The following MARCHF7 variants were observed in gnomAD, a reference collection of about 807,000 sequenced individuals.
The protein encoded by MARCHF7 is E3 ubiquitin-protein ligase MARCHF7.
MARCHF7 carries 20 observed loss-of-function variants against 76.5 expected under a neutral mutation model. The observed-to-expected ratio is 0.26, with a 90% CI of 0.18 to 0.38. The LOEUF (loss-of-function observed/expected upper bound fraction) is 0.38, where lower values mean the gene tolerates loss of function less well. Among genes scored for constraint, MARCHF7 ranks in the 10% least tolerant of loss-of-function variants. MARCHF7 has a pLI of 1.00. For missense variants in MARCHF7, 797 were observed against 812.9 expected (o/e 0.98, Z 0.24); for synonymous variants, 295 against 293.0 (o/e 1.01, Z -0.07).
Position 159,748,030 on chromosome 2 carries a change from G to A in MARCHF7, c.740G>A (p.Ser247Asn), listed in dbSNP as rs148440689. ...NTQPGFSYSSSRDEAPIISNS... is the reference protein window; with the variant it reads ...NTQPGFSYSSNRDEAPIISNS... ...CAGCCTGGATTTTCTTACAGTTCAA[G>A]TAGAGATGAAGCCCCAATCATAAGC... is the stretch of plus-strand genomic sequence containing the variant. The change falls in exon 7 of 12, where the codon AGT (serine) becomes AAT (asparagine). Residue 247 changes from serine to asparagine, a missense_variant. Physicochemically the swap from Ser to Asn is conservative, Grantham distance 46. Transcript: ENST00000409175. 35,396 of 1,614,150 alleles carry A rather than the reference G, an allele frequency of 0.022. 511 individuals are homozygous for A. Among genetic ancestry groups the A allele is most frequent in the South Asian group, 0.042 (3,822 of 91,074 alleles).
intron 3 of MARCHF7, among the ~76,000 whole-genome samples, chr2:159,726,290 T>G (rs1702164124): frequency 6.6e-6 from 1 of 151,732 alleles, no homozygotes; most frequent in Non-Finnish European, 1.5e-5. Flanking sequence ...TGATACCGAG[T>G]CTCGCTCTTG....
intron 5 of MARCHF7, among the ~76,000 whole-genome samples, chr2:159,744,777 C>T (rs1446854348): frequency 2.6e-5 from 4 of 152,092 alleles, no homozygotes; most frequent in Admixed American, 1.3e-4. Context: ...TATGTGAAAA[C>T]GTTATAAATA....
chr2:159,733,247 AT>A (rs1703034244), intron 4 of MARCHF7: 1 of 871,500 alleles, frequency 1.1e-6, no homozygotes, highest in African/African-American at 1.8e-5. Context: ...TTTTAAAATT[AT>A]TTAGTTTTTG....
chr2:159,743,048 TTTG>T lies in MARCHF7; in HGVS notation c.154-12_154-10del. ...AGCCTTTTGTTGTTTAAAAAATTTT[TTTG>T]AACTCACAGTCTACATCAGCATCAG... is the stretch of plus-strand genomic sequence containing the variant. On this transcript the variant is annotated splice_polypyrimidine_tract_variant and intron_variant, in intron 4 of 11. Transcript: ENST00000409175. 1 of 1,599,572 alleles carries T rather than the reference TTTG, an allele frequency of 6.3e-7. No individual in the cohort carries two copies. Among genetic ancestry groups the T allele is most frequent in the Non-Finnish European group, 8.5e-7 (1 of 1,172,322 alleles).
chr2:159,748,174 T>C lies in MARCHF7; in HGVS notation c.884T>C (p.Phe295Ser). 1.2e-6 allele frequency: 2 copies of C among 1,612,844 alleles called. No individual in the cohort carries two copies. Among genetic ancestry groups the C allele is most frequent in the Non-Finnish European group, 1.7e-6 (2 of 1,179,646 alleles). ...GCTTCTAGCATGTCATCTACTTTTT[T>C]TTCACGAAGATCTAGTCAGGATTCC... Reference protein sequence around the residue: ...RIASSMSSTFFSRRSSQDSLN... With the variant: ...RIASSMSSTFSSRRSSQDSLN... The change falls in exon 7 of 12, where the codon TTT becomes TCT. Residue 295 changes from phenylalanine (F) to serine (S), a missense_variant. Around this residue, in one of 3 missense-constraint regions of MARCHF7, gnomAD observed 643 missense variants for 631.5 expected, o/e 1.02. Coordinates refer to ENST00000409175, the MANE Select transcript of MARCHF7 (RefSeq NM_001282805.2).
At chr2:159,731,073 T>C (rs1702731378) in intron 4 of MARCHF7, among the ~76,000 whole-genome samples, 1 of 152,092 alleles carries the variant, frequency 6.6e-6, no homozygotes, top group Non-Finnish European at 1.5e-5. Context: ...TTGTGTTTTT[T>C]TGAAGAGATG....
Position 159,770,949 on chromosome 2 carries a change from C to CATTTT in MARCHF7, c.*3608_*3612dup, listed in dbSNP as rs1553790104. Reference sequence around the variant, plus strand: ...GGAAAATTACTCGTTTCAGCTTTTTCATTTTTTTACTCCCCAAATGATTTT... The same window carrying CATTTT: ...GGAAAATTACTCGTTTCAGCTTTTTCATTTTATTTTTTTACTCCCCAAATGATTTT... On this transcript the variant is annotated 3_prime_UTR_variant, in exon 12 of 12. Coordinates refer to ENST00000409175, the MANE Select transcript of MARCHF7 (RefSeq NM_001282805.2). The CATTTT allele has an allele frequency of 2.0e-5, 3 of 152,212 alleles. No individual in the cohort carries two copies. Among genetic ancestry groups the CATTTT allele is most frequent in the Non-Finnish European group, 4.4e-5 (3 of 67,952 alleles). The allele number at this position is 152,212 out of a possible 1,614,324, so 9.4% of individuals were successfully genotyped here.
chr2:159,757,505 G>C lies in MARCHF7; in HGVS notation c.1784-1721G>C, dbSNP rs149007048. ...GCCCTGATTAAGAAATATAGGAGTA[G>C]GCTGGCTGTGGTGGCTCACGCCTGT... is the stretch of plus-strand genomic sequence containing the variant. On this transcript the variant is annotated intron_variant, in intron 8 of 11. Coordinates refer to ENST00000409175, the MANE Select transcript of MARCHF7 (RefSeq NM_001282805.2). Among the ~76,000 whole-genome samples the C allele has an allele frequency of 1.1e-4, 17 of 152,330 alleles. No homozygotes were observed. The East Asian group carries it at 3.1e-3, about 28-fold the overall frequency.
At chr2:159,720,898 C>T (rs780584300) in intron 3 of MARCHF7, among the ~76,000 whole-genome samples, 1 of 152,188 alleles carries the variant, frequency 6.6e-6, no homozygotes, top group Non-Finnish European at 1.5e-5. Flanking sequence ...TGCTCTATTG[C>T]TCAGGCTGGG....
chr2:159,765,726 C>T (rs928043783), intron 11 of MARCHF7, among the ~76,000 whole-genome samples: 8 of 152,018 alleles, frequency 5.3e-5, no homozygotes, highest in African/African-American at 1.9e-4. Flanking sequence ...AGATTTTTGT[C>T]ATTGTCTATA....
At chr2:159,734,124 T>G in intron 4 of MARCHF7, 1 of 1,235,386 alleles carries the variant, frequency 8.1e-7, no homozygotes, top group Non-Finnish European at 1.1e-6. Context: ...ATTTAATTTC[T>G]ATAAATATTG....
chr2:159,723,216 A>G (rs1461347456), intron 3 of MARCHF7, among the ~76,000 whole-genome samples: 4 of 152,156 alleles, frequency 2.6e-5, no homozygotes, highest in African/African-American at 4.8e-5. Context: ...CCAGTTCAGA[A>G]TTTACCTCTT....
rs1705195339 is a variant in MARCHF7 at position 159,748,657 on chromosome 2, G to A, written c.1367G>A (p.Ser456Asn). Residue 456 changes from serine to asparagine, a missense_variant, in exon 7 of 12, where the codon AGT (serine) becomes AAT (asparagine). Around this residue, in one of 3 missense-constraint regions of MARCHF7, gnomAD observed 643 missense variants for 631.5 expected, o/e 1.02. Coordinates refer to ENST00000409175, the MANE Select transcript of MARCHF7 (RefSeq NM_001282805.2). Reference sequence around the variant, plus strand: ...CCACAAGCATCTGCAGCATCAAGCAGTGCCACAACAGGTGGCTCTACATCA... The same window carrying A: ...CCACAAGCATCTGCAGCATCAAGCAATGCCACAACAGGTGGCTCTACATCA... ...NRPQASAASS[S>N]ATTGGSTSDS... 6.2e-7 allele frequency: 1 copy of A among 1,614,226 alleles called. No individual in the cohort carries two copies.
chr2:159,720,283 C>A (rs1701493809), intron 3 of MARCHF7, among the ~76,000 whole-genome samples: 1 of 152,188 alleles, frequency 6.6e-6, no homozygotes, highest in Admixed American at 6.5e-5. Flanking sequence ...CTTGGCCTCC[C>A]AAAGTGCTGG....
chr2:159,728,660 T>C (rs997821934), intron 3 of MARCHF7, among the ~76,000 whole-genome samples: 30 of 152,184 alleles, frequency 2.0e-4, no homozygotes, highest in Non-Finnish European at 3.1e-4. Flanking sequence ...GGTATGATCA[T>C]TGAACACTAA....
At chr2:159,737,794 T>TA (rs1247518685) in intron 4 of MARCHF7, among the ~76,000 whole-genome samples, 31 of 151,320 alleles carry the variant, frequency 2.0e-4, no homozygotes, top group African/African-American at 6.3e-4. Context: ...GTCTCAAAAT[T>TA]AAAAAAAAAG....
intron 4 of MARCHF7, chr2:159,733,009 T>TA (rs1427731660): frequency 2.7e-6 from 2 of 752,424 alleles, no homozygotes; most frequent in Non-Finnish European, 3.2e-6. Flanking sequence ...GAACATAGTA[T>TA]AGGGGTTCAG....
rs1167695697 is a variant in MARCHF7, at chr2:159,732,438, A to G, written c.153+3263A>G. ...TAATGGTATGGGAGCAGTTTCAGCC[A>G]TAAGTCAACCATTTTTAGGCTGCTT... On this transcript the variant is annotated intron_variant, in intron 4 of 11. Transcript: ENST00000409175. 1.3e-4 allele frequency among the ~76,000 whole-genome samples: 20 copies of G among 152,310 alleles called. No individual in the cohort carries two copies. The East Asian group carries it at 3.1e-3, about 24-fold the overall frequency.
At chr2:159,715,257 G>T (rs1380837460) in intron 2 of MARCHF7, among the ~76,000 whole-genome samples, 2 of 151,608 alleles carry the variant, frequency 1.3e-5, no homozygotes, top group African/African-American at 4.8e-5. Context: ...GAATTCAATT[G>T]CAGTCAAAAA....
Sources: allele counts gnomAD v4.1 joint callset (sites outside exome capture counted in the v4.1 genomes callset), GRCh38; gene constraint gnomAD v4.1.1; regional missense constraint gnomAD v4.1.1; transcripts MANE v1.5; gene names NCBI Gene and HGNC (gene_info 2026-07-23, HGNC 2026-07-21).